ARID4A: variants seen among roughly 807,000 people sequenced by gnomAD.
The protein encoded by ARID4A is AT-rich interactive domain-containing protein 4A.
Under a neutral mutation model 148.6 loss-of-function variants are expected in ARID4A, and 39 were observed. The ratio of observed to expected loss-of-function variants is 0.26; its 90% CI spans 0.20 to 0.34. ARID4A has a LOEUF of 0.34. ARID4A is among the 10% of genes least tolerant of loss of function. The probability of loss-of-function intolerance (pLI) is 1.00; values close to 1 mark genes in which losing one functional copy is unlikely to be tolerated. For synonymous variants in ARID4A, 475 were observed against 481.2 expected, an observed-to-expected ratio of 0.99 and a Z score of 0.17; for missense variants, 1,265 against 1,449.1, an observed-to-expected ratio of 0.87 and a Z score of 2.06.
Position 58,347,889 on chromosome 14 carries a change from A to G in ARID4A, c.1404+11A>G. On this transcript the variant is annotated intron_variant, in intron 15 of 23. Coordinates refer to ENST00000355431, the MANE Select transcript of ARID4A (RefSeq NM_002892.4). The stretch of plus-strand genomic sequence containing the variant: ...TTAAAATCTCCGAGGGTGAGTTCTT[A>G]ATACTAGTTTTATCTGGTTTAAGTA... 2 of 1,571,276 alleles carry G rather than the reference A, an allele frequency of 1.3e-6. No homozygotes were observed. The highest frequency in any genetic ancestry group is 1.7e-6 in the Non-Finnish European group (2 of 1,150,914).
intron 9 of ARID4A, among the ~76,000 whole-genome samples, chr14:58,328,636 C>T (rs925400759): frequency 7.9e-5 from 12 of 151,900 alleles, no homozygotes; most frequent in African/African-American, 2.7e-4. Context: ...TTATTATTAA[C>T]TCCGAAGCTT....
intron 3 of ARID4A, 53 bp from the exon 4 acceptor site, chr14:58,304,891 A>T (rs2031478481): frequency 7.1e-7 from 1 of 1,404,486 alleles, no homozygotes; most frequent in East Asian, 2.3e-5. Context: ...TGTTACTATA[A>T]ATGTATTTGT....
At chr14:58,328,969 A>G (rs8005422) in intron 9 of ARID4A, among the ~76,000 whole-genome samples, 98,218 of 150,738 alleles carry the variant, frequency 0.65, 32,180 homozygotes, top group Middle Eastern at 0.77. Context: ...CTCCAGCCTG[A>G]CGACAGAGTG....
chr14:58,345,928 A>G, intron 12 of ARID4A, among the ~76,000 whole-genome samples: 1 of 150,892 alleles, frequency 6.6e-6, no homozygotes, highest in Non-Finnish European at 1.5e-5. Flanking sequence ...TAGAGACAGG[A>G]TATCACCATG....
chr14:58,350,469 C>G (rs879421691), intron 15 of ARID4A, among the ~76,000 whole-genome samples: 1 of 152,134 alleles, frequency 6.6e-6, no homozygotes, highest in Non-Finnish European at 1.5e-5. Context: ...TAGATAGAAG[C>G]TAGTGGTGGT....
intron 5 of ARID4A, among the ~76,000 whole-genome samples, chr14:58,315,915 C>T (rs767226221): frequency 6.6e-5 from 10 of 151,990 alleles, no homozygotes; most frequent in Non-Finnish European, 1.2e-4. Flanking sequence ...GTATGTGCTT[C>T]GGGAGTTTTT....
chr14:58,360,031 G>A lies in ARID4A; in HGVS notation c.1938+815G>A, dbSNP rs371098473. 1.8e-4 allele frequency among the ~76,000 whole-genome samples: 27 copies of A among 149,862 alleles called. 1 individual carries two copies. The highest frequency in any genetic ancestry group is 4.0e-4 in the East Asian group (2 of 5,048). On this transcript the variant is annotated intron_variant, in intron 18 of 23. Transcript: ENST00000355431. ...CAGTGAGCCAAGATCGCGCCACTGC[G>A]CTCCAGCCTGGGCGACAGAGCAAGA...
At chr14:58,312,691 TTC>T (rs1341082774) in intron 5 of ARID4A, among the ~76,000 whole-genome samples, 1 of 152,234 alleles carries the variant, frequency 6.6e-6, no homozygotes, top group Non-Finnish European at 1.5e-5. Flanking sequence ...AATTCATGAC[TTC>T]TTTCTCAGAC....
At chr14:58,321,363 T>A (rs1186073182) in intron 7 of ARID4A, among the ~76,000 whole-genome samples, 1 of 152,206 alleles carries the variant, frequency 6.6e-6, no homozygotes, top group Non-Finnish European at 1.5e-5. Flanking sequence ...TTCCTAACGC[T>A]ATGGATTCTA....
intron 18 of ARID4A, among the ~76,000 whole-genome samples, chr14:58,359,927 G>A (rs1318217315): frequency 6.6e-6 from 1 of 152,062 alleles, no homozygotes; most frequent in South Asian, 2.1e-4. Flanking sequence ...TTAGCCGGTC[G>A]TGGTGGCCGG....
chr14:58,311,030 G>A (rs144897235), intron 5 of ARID4A, among the ~76,000 whole-genome samples: 2,600 of 152,250 alleles, frequency 0.017, 34 homozygotes, highest in Non-Finnish European at 0.025. Flanking sequence ...TGGTTCACTT[G>A]AGGTCAGAAG....
chr14:58,298,758 G>A (rs2030788499), intron 1 of ARID4A, 58 bp downstream of exon 1: 1 of 152,430 alleles, frequency 6.6e-6, no homozygotes, highest in African/African-American at 2.4e-5. Context: ...AGTAGCAGCA[G>A]CTGCTGCTGC....
intron 15 of ARID4A, among the ~76,000 whole-genome samples, chr14:58,348,737 G>A (rs1388203378): frequency 6.6e-6 from 1 of 152,092 alleles, no homozygotes; most frequent in Admixed American, 6.5e-5. Flanking sequence ...AAATTGCTTT[G>A]TCTTATAGTT....
intron 11 of ARID4A, among the ~76,000 whole-genome samples, chr14:58,342,925 ATACTG>A (rs1486139645): frequency 6.6e-6 from 1 of 151,960 alleles, no homozygotes; most frequent in African/African-American, 2.4e-5. Context: ...AAAAAAAAAA[ATACTG>A]GAATGAAGTT....
At chr14:58,337,241 T>TA in intron 11 of ARID4A, among the ~76,000 whole-genome samples, 1 of 120,708 alleles carries the variant, frequency 8.3e-6, no homozygotes, top group African/African-American at 3.4e-5. Flanking sequence ...GAACCTTCTC[T>TA]TTATTTATAT....
At chr14:58,367,201 A>G (rs1034061944) in intron 23 of ARID4A, among the ~76,000 whole-genome samples, 172 bp downstream of exon 23, 2 of 152,230 alleles carry the variant, frequency 1.3e-5, no homozygotes, top group Non-Finnish European at 2.9e-5. Flanking sequence ...GTTAATCAGA[A>G]TGACACCCTT....
In ARID4A at chr14:58,344,825, G is replaced by T. The variant is rs1299013265; in HGVS notation, c.979+58G>T. The stretch of plus-strand genomic sequence containing the variant: ...TTTCTTTTTCATGTTTACATTCTAG[G>T]TATATGCATTGTTTTTGTTAGTATT... On this transcript the variant is annotated intron_variant, in intron 12 of 23. Transcript: ENST00000355431. 4 of 1,240,922 alleles carry T rather than the reference G, an allele frequency of 3.2e-6. No individual in the cohort carries two copies. The East Asian group carries it at 7.0e-5, about 22-fold the overall frequency. 76.9% of individuals were successfully genotyped at this position (1,240,922 alleles called of 1,614,324 possible). A position where few individuals can be genotyped will look rare whatever the true frequency, so the allele number is the denominator to read the frequency against.
intron 16 of ARID4A, 32 bp downstream of exon 16, chr14:58,351,355 A>T: frequency 6.3e-7 from 1 of 1,575,138 alleles, no homozygotes; most frequent in Non-Finnish European, 8.6e-7. Context: ...CTCCAGAAGC[A>T]CCTGTCTGGG....
intron 13 of ARID4A, 55 bp downstream of exon 13, chr14:58,346,560 A>T (rs2034373189): frequency 1.7e-6 from 2 of 1,160,300 alleles, no homozygotes; most frequent in Non-Finnish European, 2.6e-6. Context: ...AAGTTAAGTT[A>T]TCTTATATTG....
Sources: gnomAD v4.1 joint callset for allele counts (sites outside exome capture counted in the v4.1 genomes callset) on GRCh38, gnomAD v4.1.1 for gene constraint, MANE v1.5 for transcripts, NCBI Gene and HGNC (gene_info 2026-07-23, HGNC 2026-07-21) for gene names.